The following ERC2 variants were observed in gnomAD, a reference collection of about 807,000 sequenced individuals.
ERC2 encodes ELKS/RAB6-interacting/CAST family member 2.
A neutral mutation model predicts 114.8 loss-of-function variants in ERC2; 42 were observed. The observed-to-expected ratio is 0.37, with a 90% CI of 0.29 to 0.47. The LOEUF (loss-of-function observed/expected upper bound fraction) is 0.47. Ranked by LOEUF, ERC2 falls within the 20% of genes least tolerant of loss-of-function variation. ERC2 has a pLI of 0.99. For synonymous variants in ERC2, 454 were observed against 425.5 expected (o/e 1.07, Z -0.82); for missense variants, 939 against 1,150.7 (o/e 0.82, Z 2.66).
intron 6 of ERC2, 61 bp from the exon 7 acceptor site, chr3:56,081,045 A>C: frequency 6.4e-7 from 1 of 1,569,740 alleles, no homozygotes. Flanking sequence ...ATAACCATCA[A>C]TTGTGCCCTT....
intron 3 of ERC2, among the ~76,000 whole-genome samples, chr3:56,231,300 G>A (rs184959052): frequency 6.6e-6 from 1 of 152,226 alleles, no homozygotes; most frequent in Non-Finnish European, 1.5e-5. Context: ...ATCTTTGAAG[G>A]CCAATCTCTT....
intron 1 of ERC2, among the ~76,000 whole-genome samples, chr3:56,440,265 C>T (rs1000014481): frequency 6.6e-5 from 10 of 152,252 alleles, no homozygotes; most frequent in Non-Finnish European, 1.2e-4. Flanking sequence ...TGAATGCGGC[C>T]GGGCGAGGTG....
At chr3:55,825,902 C>T (rs1367063840) in intron 14 of ERC2, among the ~76,000 whole-genome samples, 2 of 150,436 alleles carry the variant, frequency 1.3e-5, no homozygotes, top group African/African-American at 4.9e-5. Context: ...GGATTCTGAA[C>T]ATTTTTCTTT....
chr3:56,006,952 G>C (rs1379716), intron 10 of ERC2, among the ~76,000 whole-genome samples: 143,178 of 152,118 alleles, frequency 0.94, 67,618 homozygotes, highest in East Asian at 1. Flanking sequence ...CTACTATTTT[G>C]ATCTATTTTT....
At chr3:55,985,320 G>A (rs1209711964) in intron 12 of ERC2, among the ~76,000 whole-genome samples, 1 of 152,162 alleles carries the variant, frequency 6.6e-6, no homozygotes, top group East Asian at 1.9e-4. Flanking sequence ...AGTCAACAAT[G>A]AATCAGGTCT....
At chr3:55,970,806 T>A (rs1175049612) in intron 12 of ERC2, among the ~76,000 whole-genome samples, 1 of 152,166 alleles carries the variant, frequency 6.6e-6, no homozygotes, top group Non-Finnish European at 1.5e-5. Context: ...CTAAACATAG[T>A]TACCACGGGA....
intron 7 of ERC2, among the ~76,000 whole-genome samples, chr3:56,028,908 T>C (rs1313067714): frequency 6.6e-6 from 1 of 152,200 alleles, no homozygotes; most frequent in African/African-American, 2.4e-5. Context: ...TACTCAGTCT[T>C]AATGGTGAAA....
chr3:56,184,433 T>C (rs1272020891), intron 3 of ERC2, among the ~76,000 whole-genome samples: 1 of 152,144 alleles, frequency 6.6e-6, no homozygotes, highest in Non-Finnish European at 1.5e-5. Flanking sequence ...AATGTTAATT[T>C]CAACAATAAT....
intron 12 of ERC2, among the ~76,000 whole-genome samples, chr3:55,964,547 T>C (rs1398034206): frequency 6.6e-6 from 1 of 152,182 alleles, no homozygotes; most frequent in Non-Finnish European, 1.5e-5. Flanking sequence ...AGGTGTGGCT[T>C]ACTGGATCAA....
Position 55,888,418 on chromosome 3 carries a change from C to T in ERC2, c.2535G>A (p.Arg845=), listed in dbSNP as rs1426124624. 6 of 1,613,878 alleles carry T rather than the reference C, an allele frequency of 3.7e-6. No individual in the cohort carries two copies. Among genetic ancestry groups the T allele is most frequent in the Admixed American group, 1.7e-5 (1 of 60,018 alleles). The part of the protein sequence containing the change: ...AHLANLRIER[R]KQLEEILEMK... ...TCTCCAGGATCTCCTCCAGCTGTTT[C>T]CTCCTCTCAATCCGGAGGTTGGCCA... is the stretch of plus-strand genomic sequence containing the variant. Residue 845 remains arginine (R), a synonymous_variant, in exon 14 of 18, where the codon AGG becomes AGA. Coordinates refer to ENST00000288221, the MANE Select transcript of ERC2 (RefSeq NM_015576.3).
chr3:55,745,216 C>T (rs2066231797), intron 14 of ERC2, among the ~76,000 whole-genome samples: 1 of 152,132 alleles, frequency 6.6e-6, no homozygotes, highest in South Asian at 2.1e-4. Context: ...CCCAGACAAG[C>T]CAGGCTTGAC....
chr3:56,019,099 G>A (rs2073527860), intron 7 of ERC2, 68 bp from the exon 8 acceptor site: 3 of 1,200,816 alleles, frequency 2.5e-6, no homozygotes, highest in African/African-American at 3.1e-5. Flanking sequence ...TCCTGAAGTG[G>A]ATCTATTAAT....
intron 1 of ERC2, among the ~76,000 whole-genome samples, chr3:56,455,231 AT>A (rs2063011757): frequency 6.6e-6 from 1 of 152,018 alleles, no homozygotes; most frequent in East Asian, 1.9e-4. Flanking sequence ...CAGTAAAAAA[AT>A]AAAAATAATT....
chr3:56,024,271 C>A lies in ERC2; in HGVS notation c.1642-5240G>T, dbSNP rs76469178. On this transcript the variant is annotated intron_variant, in intron 7 of 17. Coordinates refer to ENST00000288221, the MANE Select transcript of ERC2 (RefSeq NM_015576.3). ...TGATGCAAGTGGTCTAGTGCAAACA[C>A]TGTTGCCCCAACTGCTGAAAACTAG... is the stretch of plus-strand genomic sequence containing the variant. 8.4e-3 allele frequency among the ~76,000 whole-genome samples: 1,284 copies of A among 152,350 alleles called. 25 individuals are homozygous for A. The highest frequency in any genetic ancestry group is 0.029 in the African/African-American group (1,209 of 41,580).
At chr3:55,925,931 G>A (rs968147230) in intron 13 of ERC2, among the ~76,000 whole-genome samples, 3 of 152,248 alleles carry the variant, frequency 2.0e-5, no homozygotes, top group Non-Finnish European at 4.4e-5. Flanking sequence ...ACCAGGCCAT[G>A]CCTTAGATGA....
chr3:56,033,024 AAGAAAC>A (rs1307873993), intron 7 of ERC2, among the ~76,000 whole-genome samples: 3 of 75,728 alleles, frequency 4.0e-5, no homozygotes, highest in African/African-American at 1.2e-4. Flanking sequence ...AGAAAGAAAA[AAGAAAC>A]AGAAAGAAAG....
At chr3:56,021,353 C>T (rs1238662936) in intron 7 of ERC2, among the ~76,000 whole-genome samples, 1 of 149,212 alleles carries the variant, frequency 6.7e-6, no homozygotes, top group Non-Finnish European at 1.5e-5. Context: ...ATTTTCTAAC[C>T]ATGTGGGTTT....
At chr3:56,447,160 C>T (rs1026442554) in intron 1 of ERC2, among the ~76,000 whole-genome samples, 1 of 152,258 alleles carries the variant, frequency 6.6e-6, no homozygotes, top group African/African-American at 2.4e-5. Context: ...GCTACACCCC[C>T]ACATGGCACA....
At chr3:56,414,711 C>T (rs1488648296) in intron 2 of ERC2, among the ~76,000 whole-genome samples, 9 of 143,904 alleles carry the variant, frequency 6.3e-5, no homozygotes, top group Admixed American at 5.0e-4. Flanking sequence ...GGCGACAGAG[C>T]GAGACTCTGT....
Sources: allele counts gnomAD v4.1 joint callset (sites outside exome capture counted in the v4.1 genomes callset), GRCh38; gene constraint gnomAD v4.1.1; transcripts MANE v1.5; gene names NCBI Gene and HGNC (gene_info 2026-07-23, HGNC 2026-07-21).